Variants in LENG8 observed in about 807,000 individuals in gnomAD.
The protein encoded by LENG8 is leukocyte receptor cluster (LRC) member 8.
A neutral mutation model predicts 102.1 loss-of-function variants in LENG8; 28 were observed. The ratio of observed to expected loss-of-function variants is 0.27; its 90% CI spans 0.20 to 0.38. LENG8 has a LOEUF of 0.38. LENG8 is among the 10% of genes least tolerant of loss of function. The pLI, the probability that LENG8 is intolerant of heterozygous loss-of-function variation, is 1.00. For missense variants in LENG8, 1,022 were observed against 1,113.9 expected (o/e 0.92, Z 1.17); for synonymous variants, 531 against 456.7 (o/e 1.16, Z -2.07).
chr19:54,460,789 C>A lies in LENG8; in HGVS notation c.2264C>A (p.Ser755Tyr). The A allele has an allele frequency of 6.7e-7, 1 of 1,499,060 alleles. No individual in the cohort carries two copies. Among genetic ancestry groups the A allele is most frequent in the East Asian group, 2.8e-5 (1 of 35,720 alleles). The allele number at this position is 1,499,060 out of a possible 1,614,324, so 92.9% of individuals were successfully genotyped here. The part of the protein sequence containing the change: ...IKTFRPALPV[S>Y]YLQAELAFEG... ...AGCTTCCGCCCTGCGCTGCCAGTCT[C>A]CTACCTGCAGGCCGAGCTGGCCTTC... The change falls in exon 16 of 16, where the codon TCC becomes TAC. Residue 755 changes from serine to tyrosine, a missense_variant. Physicochemically the swap from Ser to Tyr is moderately radical, Grantham distance 144. This residue lies in a region of LENG8 where 129 missense variants were observed against 123.0 expected (regional missense o/e 1.05). Transcript: ENST00000326764.
intron 11 of LENG8, 139 bp downstream of exon 11, chr19:54,457,060 G>T: frequency 9.7e-7 from 1 of 1,034,422 alleles, no homozygotes; most frequent in Non-Finnish European, 1.4e-6. Context: ...GCCTCGGCTG[G>T]TCGGCATTCT....
chr19:54,458,417 C>T lies in LENG8; in HGVS notation c.2136C>T (p.His712=). The T allele has an allele frequency of 6.2e-7, 1 of 1,614,290 alleles. No individual in the cohort carries two copies. The highest frequency in any genetic ancestry group is 8.5e-7 in the Non-Finnish European group (1 of 1,180,056). Reference sequence around the variant, plus strand: ...CAGCCTGGGCCCTGGGCAACTACCACCGCTTTTTCCGGCTCTACTGCCATG... The same window carrying T: ...CAGCCTGGGCCCTGGGCAACTACCATCGCTTTTTCCGGCTCTACTGCCATG... The part of the protein sequence containing the change: ...LRTAWALGNY[H]RFFRLYCHAP... The change falls in exon 15 of 16, where the codon CAC becomes CAT. Residue 712 remains histidine (H), a synonymous_variant. Coordinates refer to ENST00000326764, the MANE Select transcript of LENG8 (RefSeq NM_052925.4).
Position 54,461,721 on chromosome 19 carries a change from CTCACG to C in LENG8, c.*797_*801del, listed in dbSNP as rs925824419. The stretch of plus-strand genomic sequence containing the variant: ...CCTCCCTGCCTTCATGGATCACCAG[CTCACG>C]TCATGTTGCCTTCTCTTTTCTTTGT... On this transcript the variant is annotated 3_prime_UTR_variant, in exon 16 of 16. Coordinates refer to ENST00000326764, the MANE Select transcript of LENG8 (RefSeq NM_052925.4). The C allele has an allele frequency of 4.0e-6, 2 of 501,146 alleles. No individual in the cohort carries two copies. Among genetic ancestry groups the C allele is most frequent in the African/African-American group, 3.9e-5 (2 of 51,252 alleles). 31.0% of individuals were successfully genotyped at this position (501,146 alleles called of 1,614,324 possible). A position where few individuals can be genotyped will look rare whatever the true frequency, so the allele number is the denominator to read the frequency against.
chr19:54,453,363 G>A (rs1359002353), intron 4 of LENG8, among the ~76,000 whole-genome samples, 183 bp from the exon 5 acceptor site: 1 of 152,216 alleles, frequency 6.6e-6, no homozygotes, highest in East Asian at 1.9e-4. Flanking sequence ...AGCTAAGTGA[G>A]ATGTGGGATT....
At chr19:54,454,355 TCA>T in intron 5 of LENG8, 73 bp from the exon 6 acceptor site, 2 of 1,479,930 alleles carry the variant, frequency 1.4e-6, no homozygotes, top group South Asian at 2.6e-5. Flanking sequence ...CACTGCGTCC[TCA>T]CAGCGAGGGC....
rs568579824 is a variant in LENG8 at position 54,451,886 on chromosome 19, G to A, written c.39-207G>A. The A allele has an allele frequency of 1.9e-5, 10 of 521,570 alleles. No homozygotes were observed. In the East Asian group the frequency reaches 3.0e-4, roughly 16 times the overall value. 32.3% of individuals were successfully genotyped at this position (521,570 alleles called of 1,614,324 possible). On this transcript the variant is annotated intron_variant, in intron 2 of 15. Coordinates refer to ENST00000326764, the MANE Select transcript of LENG8 (RefSeq NM_052925.4). ...TGCTGTGTGCCAGGCTCTGGGATAA[G>A]TACCTTAAGTAGGTGATCTCATTTA... is the stretch of plus-strand genomic sequence containing the variant.
chr19:54,461,734 G>A lies in LENG8; in HGVS notation c.*806G>A, dbSNP rs756121848. The A allele has an allele frequency of 2.3e-5, 12 of 514,164 alleles. No individual in the cohort carries two copies. Among genetic ancestry groups the A allele is most frequent in the South Asian group, 1.4e-4 (9 of 64,878 alleles). The allele number at this position is 514,164 out of a possible 1,614,324, so 31.9% of individuals were successfully genotyped here. ...ATGGATCACCAGCTCACGTCATGTT[G>A]CCTTCTCTTTTCTTTGTGTGTGTGT... On this transcript the variant is annotated 3_prime_UTR_variant, in exon 16 of 16. Coordinates refer to ENST00000326764, the MANE Select transcript of LENG8 (RefSeq NM_052925.4).
At position 54,454,476 on chromosome 19, in the gene LENG8, C is replaced by G. The variant is rs1215739478; in HGVS notation, c.473C>G (p.Pro158Arg). The change falls in exon 6 of 16, where the codon CCT (proline) becomes CGT (arginine). Residue 158 changes from proline (P) to arginine (R), a missense_variant. This residue lies in a region of LENG8 where 343 missense variants were observed against 320.2 expected (regional missense o/e 1.07). Coordinates refer to ENST00000326764, the MANE Select transcript of LENG8 (RefSeq NM_052925.4). Reference protein sequence around the residue: ...MDESMSYQAPPQQLPSAQPPQ... With the variant: ...MDESMSYQAPRQQLPSAQPPQ... ...GAGAGCATGTCCTACCAGGCTCCCC[C>G]TCAGCAGCTGCCGTCGGCTCAGCCC... The G allele has an allele frequency of 6.2e-7, 1 of 1,613,558 alleles. No individual in the cohort carries two copies. The highest frequency in any genetic ancestry group is 1.3e-5 in the African/African-American group (1 of 74,910).
chr19:54,452,028 C>T (rs1406524172), intron 2 of LENG8, 65 bp from the exon 3 acceptor site: 2 of 1,508,094 alleles, frequency 1.3e-6, no homozygotes, highest in South Asian at 1.2e-5. Context: ...GAATTTGCCT[C>T]CCAACTTGCC....
rs1237193092 is a variant in LENG8 at position 54,458,746 on chromosome 19, G to A, written c.2240+225G>A. The A allele has an allele frequency of 3.2e-6, 5 of 1,551,230 alleles. No individual in the cohort carries two copies. In the African/African-American group the frequency reaches 4.1e-5, roughly 13 times the overall value. ...GGTCACTCCTCTCCCTCTCCCCACT[G>A]TTCCCAGCTCACTGCCTCTGGGGCC... On this transcript the variant is annotated intron_variant, in intron 15 of 15. Transcript: ENST00000326764.
At chr19:54,457,116 G>A (rs2084291062) in intron 11 of LENG8, among the ~76,000 whole-genome samples, 195 bp downstream of exon 11, 1 of 152,260 alleles carries the variant, frequency 6.6e-6, no homozygotes, top group Admixed American at 6.5e-5. Context: ...CCCGCGTGGC[G>A]GGTGTGCAGC....
In LENG8 at chr19:54,457,857, C is replaced by T. The variant is rs751510815; in HGVS notation, c.1833+9C>T. The T allele has an allele frequency of 1.1e-5, 17 of 1,613,410 alleles. No homozygotes were observed. Among genetic ancestry groups the T allele is most frequent in the East Asian group, 8.9e-5 (4 of 44,892 alleles). On this transcript the variant is annotated intron_variant, in intron 12 of 15. Transcript: ENST00000326764. ...TCCGGCAGGATCTGACGGTGAGACT[C>T]GCGCTGGGAGGGGCCTGGCCTCAGC... is the stretch of plus-strand genomic sequence containing the variant.
rs762102522 is a variant in LENG8, at chr19:54,456,764, G to T, written c.1574G>T (p.Arg525Leu). 1.2e-6 allele frequency: 2 copies of T among 1,611,474 alleles called. No individual in the cohort carries two copies. The highest frequency in any genetic ancestry group is 1.7e-6 in the Non-Finnish European group (2 of 1,179,392). The change falls in exon 11 of 16, where the codon CGC becomes CTC. Residue 525 changes from arginine (R) to leucine (L), a missense_variant. This residue lies in a region of LENG8 where 326 missense variants were observed against 324.5 expected (regional missense o/e 1.00). Coordinates refer to ENST00000326764, the MANE Select transcript of LENG8 (RefSeq NM_052925.4). ...CAGCACGGACACTCCCGCCGCCTGC[G>T]CCTCGAGCCCCTGGTGCTGCAGATG... ...RFQHGHSRRLRLEPLVLQMSS... is the reference protein window; with the variant it reads ...RFQHGHSRRLLLEPLVLQMSS...
intron 7 of LENG8, 65 bp from the exon 8 acceptor site, chr19:54,455,299 C>CGGTGGG: frequency 6.4e-7 from 1 of 1,563,542 alleles, no homozygotes; most frequent in Non-Finnish European, 8.8e-7. Flanking sequence ...CTCAGAGTGG[C>CGGTGGG]GGTGGGGATG....
chr19:54,455,072 T>C lies in LENG8; in HGVS notation c.801T>C (p.Pro267=). 1 of 1,614,128 alleles carries C rather than the reference T, an allele frequency of 6.2e-7. No individual in the cohort carries two copies. The highest frequency in any genetic ancestry group is 2.2e-5 in the East Asian group (1 of 44,882). Residue 267 remains proline (P), a synonymous_variant, in exon 7 of 16, where the codon CCT becomes CCC. Transcript: ENST00000326764. ...GTGGTTTTGGCCCCCAGCCCAACCC[T>C]GAGAAAGTTCAGAACCACAGGTGAC... The part of the protein sequence containing the change: ...QHSGFGPQPN[P]EKVQNHSGSS...
chr19:54,454,596 C>T lies in LENG8; in HGVS notation c.593C>T (p.Pro198Leu), dbSNP rs1037569915. ...APATQHSQAGPATGQAYGPHT... is the reference protein window; with the variant it reads ...APATQHSQAGLATGQAYGPHT... ...GCCACACAGCACAGCCAGGCGGGGC[C>T]CGCCACGGGCCAGGCCTATGGGCCA... Residue 198 changes from proline to leucine, a missense_variant, in exon 6 of 16, where the codon CCC becomes CTC. Coordinates refer to ENST00000326764, the MANE Select transcript of LENG8 (RefSeq NM_052925.4). 1.2e-6 allele frequency: 2 copies of T among 1,610,062 alleles called. No homozygotes were observed. The highest frequency in any genetic ancestry group is 1.7e-6 in the Non-Finnish European group (2 of 1,179,066).
Position 54,456,088 on chromosome 19 carries a change from G to C in LENG8, c.1147G>C (p.Gly383Arg). ...TRGGGAPSQR[G>R]TPGAGGAGRA... ...GGGCGGGGGTGCCCCGTCCCAGCGA[G>C]GGACGCCCGGGGCTGGGGGTGCCGG... is the stretch of plus-strand genomic sequence containing the variant. Residue 383 changes from glycine to arginine, a missense_variant, in exon 9 of 16, where the codon GGG becomes CGG. By Grantham distance (125) the Gly-to-Arg change is moderately radical (BLOSUM62 -2). Coordinates refer to ENST00000326764, the MANE Select transcript of LENG8 (RefSeq NM_052925.4). 1 of 1,608,830 alleles carries C rather than the reference G, an allele frequency of 6.2e-7. No individual in the cohort carries two copies. The highest frequency in any genetic ancestry group is 8.5e-7 in the Non-Finnish European group (1 of 1,176,856).
chr19:54,460,886 C>G lies in LENG8; in HGVS notation c.2361C>G (p.Ser787Arg), dbSNP rs368824147. The G allele has an allele frequency of 6.4e-7, 1 of 1,556,194 alleles. No individual in the cohort carries two copies. Among genetic ancestry groups the G allele is most frequent in the African/African-American group, 1.4e-5 (1 of 73,484 alleles). ...CCTACACGGGCCCGGACAACTCCAG[C>G]ATCGACTGCCGCCTCAGCCTGGCGC... ...GLAYTGPDNS[S>R]IDCRLSLAQL... is the part of the protein sequence containing the mutation. The change falls in exon 16 of 16, where the codon AGC becomes AGG. Residue 787 changes from serine to arginine, a missense_variant. Ser to Arg is a moderately radical substitution (Grantham distance 110, BLOSUM62 -1). This residue lies in a region of LENG8 where 129 missense variants were observed against 123.0 expected (regional missense o/e 1.05). Coordinates refer to ENST00000326764, the MANE Select transcript of LENG8 (RefSeq NM_052925.4).
intron 4 of LENG8, 134 bp from the exon 5 acceptor site, chr19:54,453,412 G>A (rs1402475763): frequency 2.0e-5 from 13 of 638,360 alleles, no homozygotes; most frequent in Non-Finnish European, 3.4e-5. Context: ...GAGAGGATGT[G>A]GTGCATTAAT....
Sources: allele counts gnomAD v4.1 joint callset (sites outside exome capture counted in the v4.1 genomes callset), GRCh38; gene constraint gnomAD v4.1.1; regional missense constraint gnomAD v4.1.1; transcripts MANE v1.5; gene names NCBI Gene and HGNC (gene_info 2026-07-23, HGNC 2026-07-21).